Variants in CPXM2 observed in about 807,000 individuals in gnomAD.
CPXM2 encodes the protein inactive carboxypeptidase-like protein X2.
A neutral mutation model predicts 86.1 loss-of-function variants in CPXM2; 66 were observed. The ratio of observed to expected loss-of-function variants is 0.77; its 90% CI spans 0.63 to 0.94. The LOEUF is 0.94. Ranked by LOEUF, CPXM2 falls within the 40% of genes least tolerant of loss-of-function variation. The pLI is 0.00. For missense variants in CPXM2, 948 were observed against 1,026.3 expected (o/e 0.92, Z 1.04); for synonymous variants, 388 against 400.2 (o/e 0.97, Z 0.36).
intron 2 of CPXM2, among the ~76,000 whole-genome samples, chr10:123,936,921 G>A (rs544461895): frequency 2.0e-5 from 3 of 152,210 alleles, no homozygotes; most frequent in Non-Finnish European, 4.4e-5. Context: ...CACCAAAGGG[G>A]GAACCCAGCA....
intron 1 of CPXM2, among the ~76,000 whole-genome samples, chr10:123,884,511 A>G (rs1590100564): frequency 6.6e-6 from 1 of 152,330 alleles, no homozygotes; most frequent in Non-Finnish European, 1.5e-5. Flanking sequence ...AGGAAATAAG[A>G]ATCCAGGGAT....
intron 6 of CPXM2, among the ~76,000 whole-genome samples, chr10:123,794,701 CAATCA>C (rs991168761): frequency 1.3e-5 from 2 of 151,320 alleles, no homozygotes; most frequent in African/African-American, 4.9e-5. Flanking sequence ...TTATTAATAG[CAATCA>C]AATCATTTTT....
At chr10:123,816,045 G>A (rs1160838414) in intron 4 of CPXM2, among the ~76,000 whole-genome samples, 1 of 152,126 alleles carries the variant, frequency 6.6e-6, no homozygotes, top group African/African-American at 2.4e-5. Flanking sequence ...TGTGAGAGAG[G>A]TGGAAATGTC....
intron 2 of CPXM2, among the ~76,000 whole-genome samples, chr10:123,937,378 A>G (rs990641540): frequency 7.4e-6 from 1 of 135,802 alleles, no homozygotes; most frequent in African/African-American, 3.2e-5. Flanking sequence ...TCTGCCTGAC[A>G]CTCTGCAACC....
chr10:123,834,946 C>T (rs960415742), intron 4 of CPXM2, among the ~76,000 whole-genome samples: 1 of 152,228 alleles, frequency 6.6e-6, no homozygotes. Flanking sequence ...CACACACAAG[C>T]TCCCCTTCAC....
chr10:123,750,927 G>A (rs945442834), intron 13 of CPXM2: 14 of 985,328 alleles, frequency 1.4e-5, no homozygotes, highest in Middle Eastern at 5.2e-4. Flanking sequence ...CACTGGAAAA[G>A]TCTGGAATCA....
chr10:123,910,927 G>A lies in CPXM2; in HGVS notation n.174+28550C>T, dbSNP rs75776179. On this transcript the variant is annotated intron_variant and non_coding_transcript_variant, in intron 2 of 19. Transcript: ENST00000368854. ...CAGCATCACTGCAATCTCCACCTCT[G>A]CCTCCATGGGGCCATCGTGCTGCTA... Among the ~76,000 whole-genome samples the A allele has an allele frequency of 8.3e-4, 127 of 152,228 alleles. 2 individuals carry two copies. In the East Asian group the frequency reaches 0.022, roughly 27 times the overall value.
intron 6 of CPXM2, among the ~76,000 whole-genome samples, chr10:123,783,498 T>C (rs1428019841): frequency 1.3e-5 from 2 of 152,196 alleles, no homozygotes; most frequent in Non-Finnish European, 2.9e-5. Flanking sequence ...GCCGATCAGA[T>C]GACTTTTCTC....
At chr10:123,920,193 G>T (rs528312183) in intron 2 of CPXM2, among the ~76,000 whole-genome samples, 2 of 152,174 alleles carry the variant, frequency 1.3e-5, no homozygotes, top group Non-Finnish European at 2.9e-5. Flanking sequence ...GAGCCTCAGT[G>T]TCATTTCTTA....
At chr10:123,854,452 A>G (rs1373807033) in intron 3 of CPXM2, among the ~76,000 whole-genome samples, 2 of 129,882 alleles carry the variant, frequency 1.5e-5, no homozygotes, top group Non-Finnish European at 3.1e-5. Context: ...TTTATATATA[A>G]TATATATAAT....
At chr10:123,917,266 G>A (rs1945541146) in intron 2 of CPXM2, among the ~76,000 whole-genome samples, 6 of 152,188 alleles carry the variant, frequency 3.9e-5, no homozygotes, top group South Asian at 4.1e-4. Context: ...TTCAGGATCC[G>A]CTTTGATGTG....
At chr10:123,767,825 A>C (rs780493091) in intron 9 of CPXM2, among the ~76,000 whole-genome samples, 11 of 152,204 alleles carry the variant, frequency 7.2e-5, no homozygotes, top group Non-Finnish European at 1.3e-4. Context: ...AACGTATCAG[A>C]ATAATAAAAC....
intron 3 of CPXM2, among the ~76,000 whole-genome samples, chr10:123,854,878 A>G (rs2134180621): frequency 6.6e-6 from 1 of 152,208 alleles, no homozygotes; most frequent in South Asian, 2.1e-4. Flanking sequence ...AAAAATGCAC[A>G]CAGCAAACAG....
chr10:123,894,652 ACCTATCTG>A (rs1480176313), upstream of CPXM2, among the ~76,000 whole-genome samples: 1 of 152,098 alleles, frequency 6.6e-6, no homozygotes, highest in Non-Finnish European at 1.5e-5. Context: ...CCCAACTCTC[ACCTATCTG>A]CCTGGGAGGG....
intron 4 of CPXM2, among the ~76,000 whole-genome samples, chr10:123,801,473 G>C (rs1201053153): frequency 6.6e-6 from 1 of 152,012 alleles, no homozygotes; most frequent in Admixed American, 6.5e-5. Context: ...CCATCACCAA[G>C]TTCTGTCAAT....
At chr10:123,869,053 C>G (rs940942004) in intron 2 of CPXM2, among the ~76,000 whole-genome samples, 2 of 151,814 alleles carry the variant, frequency 1.3e-5, no homozygotes, top group Non-Finnish European at 2.9e-5. Context: ...CTAAGAAAAA[C>G]GGAGGAGAAG....
chr10:123,842,592 G>C lies in CPXM2; in HGVS notation c.514-104C>G. 3 of 1,140,796 alleles carry C rather than the reference G, an allele frequency of 2.6e-6. No individual in the cohort carries two copies. The South Asian group carries it at 4.6e-5, about 17-fold the overall frequency. The allele number at this position is 1,140,796 out of a possible 1,614,324, so 70.7% of individuals were successfully genotyped here. A position where few individuals can be genotyped will look rare whatever the true frequency, so the allele number is the denominator to read the frequency against. On this transcript the variant is annotated intron_variant, in intron 3 of 13. Coordinates refer to ENST00000241305, the MANE Select transcript of CPXM2 (RefSeq NM_198148.3). ...GAGGAAGGGAGGGAGGATAGGAGAA[G>C]AAAATGAGGAAGGTGTTAAAGAAAA...
At chr10:123,928,448 C>T (rs1052394427) in intron 2 of CPXM2, among the ~76,000 whole-genome samples, 1 of 152,232 alleles carries the variant, frequency 6.6e-6, no homozygotes, top group Non-Finnish European at 1.5e-5. Flanking sequence ...ACAGCATGCT[C>T]TTCTTATAAT....
At chr10:123,782,287 T>G (rs1365582073) in intron 6 of CPXM2, among the ~76,000 whole-genome samples, 1 of 152,236 alleles carries the variant, frequency 6.6e-6, no homozygotes, top group African/African-American at 2.4e-5. Context: ...GGCTATTTTC[T>G]AAGAGCTATT....
Sources: allele counts gnomAD v4.1 joint callset (sites outside exome capture counted in the v4.1 genomes callset), GRCh38; gene constraint gnomAD v4.1.1; transcripts MANE v1.5; gene names NCBI Gene and HGNC (gene_info 2026-07-23, HGNC 2026-07-21).